The following INPP5A variants were observed in gnomAD, a reference collection of about 807,000 sequenced individuals.
The protein encoded by INPP5A is 43 kDa inositol polyphosphate 5-phophatase.
A neutral mutation model predicts 65.2 loss-of-function variants in INPP5A; 14 were observed. The ratio of observed to expected loss-of-function variants is 0.21; its 90% CI spans 0.14 to 0.34. The LOEUF is 0.34. INPP5A is among the 10% of genes least tolerant of loss of function. INPP5A has a pLI of 1.00. For missense variants in INPP5A, 431 were observed against 545.6 expected (o/e 0.79, Z 2.09); for synonymous variants, 207 against 208.3 (o/e 0.99, Z 0.05).
intron 6 of INPP5A, 144 bp from the exon 7 acceptor site, chr10:132,708,169 C>T: frequency 1.4e-6 from 1 of 700,090 alleles, no homozygotes; most frequent in Non-Finnish European, 2.5e-6. Flanking sequence ...GCTCGGTTCT[C>T]TTTAGTGGGG....
At chr10:132,552,775 G>A (rs1406658472) in intron 1 of INPP5A, among the ~76,000 whole-genome samples, 2 of 144,998 alleles carry the variant, frequency 1.4e-5, no homozygotes, top group Non-Finnish European at 3.0e-5. Context: ...AGCCTTGGGG[G>A]AATATTGGGT....
In INPP5A at chr10:132,594,156, A is replaced by G. The variant is rs375745132; in HGVS notation, c.76-13759A>G. Among the ~76,000 whole-genome samples the G allele has an allele frequency of 3.3e-5, 5 of 152,310 alleles. No individual in the cohort carries two copies. The East Asian group carries it at 9.6e-4, about 29-fold the overall frequency. ...CTGTCTTCATCCTGTTTATATGCCA[A>G]TGTTATGTTTGTCTCATAATAGGAA... On this transcript the variant is annotated intron_variant, in intron 1 of 15. Coordinates refer to ENST00000368594, the MANE Select transcript of INPP5A (RefSeq NM_005539.5).
intron 11 of INPP5A, among the ~76,000 whole-genome samples, chr10:132,758,715 G>T (rs1240686636): frequency 6.6e-6 from 1 of 152,224 alleles, no homozygotes; most frequent in East Asian, 1.9e-4. Flanking sequence ...TTATCTATGG[G>T]CAGGTGCTGA....
chr10:132,757,806 G>A (rs893841900), intron 11 of INPP5A, among the ~76,000 whole-genome samples: 2 of 133,154 alleles, frequency 1.5e-5, no homozygotes, highest in African/African-American at 5.3e-5. Flanking sequence ...CCATGGCGTG[G>A]GTGCCCGGCC....
Position 132,677,826 on chromosome 10 carries a change from C to T in INPP5A, c.307-12566C>T, listed in dbSNP as rs1255560798. Among the ~76,000 whole-genome samples, 4 of 152,222 alleles carry T rather than the reference C, an allele frequency of 2.6e-5. No homozygotes were observed. In the East Asian group the frequency reaches 7.7e-4, roughly 29 times the overall value. On this transcript the variant is annotated intron_variant, in intron 4 of 15. Coordinates refer to ENST00000368594, the MANE Select transcript of INPP5A (RefSeq NM_005539.5). ...TAATTGGGGACACTACATCCAAGAG[C>T]CGTGACAGGGTTCAGCAACCCGCGT...
In INPP5A at chr10:132,727,244, A is replaced by C. The variant is rs1846002720; in HGVS notation, c.732+339A>C. On this transcript the variant is annotated intron_variant, in intron 9 of 15. Transcript: ENST00000368594. The surrounding 1 kb of genome is among the most constrained non-coding windows in gnomAD (Gnocchi z 6.5). The stretch of plus-strand genomic sequence containing the variant: ...GCCCACAGAGCTGCAGCCTCTGCAG[A>C]GTGTCAGCTCCTTCACACTGTCCAA... 1.3e-5 allele frequency: 3 copies of C among 230,682 alleles called. No individual in the cohort carries two copies. 14.3% of individuals were successfully genotyped at this position (230,682 alleles called of 1,614,324 possible).
At chr10:132,712,769 GGT>G (rs774545357) in intron 8 of INPP5A, among the ~76,000 whole-genome samples, 1 of 149,844 alleles carries the variant, frequency 6.7e-6, no homozygotes, top group Non-Finnish European at 1.5e-5. Flanking sequence ...TGTGTATTTG[GGT>G]GTGTGCATGT....
At chr10:132,569,541 A>G (rs1279771851) in intron 1 of INPP5A, among the ~76,000 whole-genome samples, 2 of 152,146 alleles carry the variant, frequency 1.3e-5, no homozygotes, top group Non-Finnish European at 1.5e-5. Flanking sequence ...TATTTTTTGT[A>G]GAGACGGGGT....
chr10:132,580,418 G>T (rs948595852), intron 1 of INPP5A, among the ~76,000 whole-genome samples: 1 of 152,174 alleles, frequency 6.6e-6, no homozygotes, highest in Admixed American at 6.5e-5. Flanking sequence ...CTTCCGCCAT[G>T]ATTGTAAGTT....
Position 132,538,552 on chromosome 10 carries a change from AC to A in INPP5A, c.75+383del, listed in dbSNP as rs1295116331. Among the ~76,000 whole-genome samples the A allele has an allele frequency of 6.6e-6, 1 of 151,922 alleles. No individual in the cohort carries two copies. Among genetic ancestry groups the A allele is most frequent in the Non-Finnish European group, 1.5e-5 (1 of 67,976 alleles). ...AGTTCCTGGAACCCAAACCCCAGAA[AC>A]CGGGTCTGTGCGCACCAAACCCAGC... On this transcript the variant is annotated intron_variant, in intron 1 of 15. Transcript: ENST00000368594. The surrounding 1 kb of genome is among the most constrained non-coding windows in gnomAD (Gnocchi z 4.1).
rs1397098247 is a variant in INPP5A at position 132,678,894 on chromosome 10, A to G, written c.307-11498A>G. Among the ~76,000 whole-genome samples the G allele has an allele frequency of 1.3e-5, 2 of 152,126 alleles. No individual in the cohort carries two copies. The highest frequency in any genetic ancestry group is 4.8e-5 in the African/African-American group (2 of 41,424). Reference sequence around the variant, plus strand: ...GGGGGTCCATGTGAGAAGCTGGAAAAGGGGAGGCAGCAGAGGTACCCTCCT... The same window carrying G: ...GGGGGTCCATGTGAGAAGCTGGAAAGGGGGAGGCAGCAGAGGTACCCTCCT... On this transcript the variant is annotated intron_variant, in intron 4 of 15. Transcript: ENST00000368594. The surrounding 1 kb of genome is among the most constrained non-coding windows in gnomAD (Gnocchi z 4.1).
rs71472754 is a variant in INPP5A, at chr10:132,674,549, TGG to T, written c.307-15839_307-15838del. On this transcript the variant is annotated intron_variant, in intron 4 of 15. Transcript: ENST00000368594. The surrounding 1 kb of genome is among the most constrained non-coding windows in gnomAD (Gnocchi z 4.4). Reference sequence around the variant, plus strand: ...TTCCCATGAGGCCATCGGTGCAGGCTGGGGGAGAGAAGGGAGGGTGGCGGGAG... The same window carrying T: ...TTCCCATGAGGCCATCGGTGCAGGCTGGGAGAGAAGGGAGGGTGGCGGGAG... Among the ~76,000 whole-genome samples the T allele has an allele frequency of 6.6e-6, 1 of 152,070 alleles. No individual in the cohort carries two copies. The highest frequency in any genetic ancestry group is 2.4e-5 in the African/African-American group (1 of 41,404).
intron 12 of INPP5A, among the ~76,000 whole-genome samples, chr10:132,771,977 C>G (rs1591003302): frequency 4.4e-4 from 1 of 2,290 alleles, no homozygotes; most frequent in African/African-American, 2.9e-3. Flanking sequence ...GCAGCCACCC[C>G]ACGAGGAGTG....
At chr10:132,645,414 G>T (rs72868916) in intron 2 of INPP5A, among the ~76,000 whole-genome samples, 1 of 152,212 alleles carries the variant, frequency 6.6e-6, no homozygotes, top group Non-Finnish European at 1.5e-5. Context: ...ACATGCTCCG[G>T]CACACGCGTG....
At chr10:132,611,267 T>TC (rs1178461533) in intron 2 of INPP5A, among the ~76,000 whole-genome samples, 9 of 116,148 alleles carry the variant, frequency 7.7e-5, no homozygotes, top group South Asian at 3.0e-4. Flanking sequence ...AGAGGCCCTG[T>TC]CAGAGGAGGA....
chr10:132,565,567 G>T (rs1044657344), intron 1 of INPP5A, among the ~76,000 whole-genome samples: 1 of 152,176 alleles, frequency 6.6e-6, no homozygotes, highest in African/African-American at 2.4e-5. Context: ...GTATGTGTGC[G>T]TATGTCTGTA....
intron 8 of INPP5A, among the ~76,000 whole-genome samples, chr10:132,720,860 G>C (rs1195669225): frequency 6.6e-6 from 1 of 150,564 alleles, no homozygotes; most frequent in Non-Finnish European, 1.5e-5. Context: ...TTAGACGGCT[G>C]TCTTCAGGGA....
chr10:132,747,221 G>A (rs1326460840), intron 9 of INPP5A, among the ~76,000 whole-genome samples: 1 of 152,254 alleles, frequency 6.6e-6, no homozygotes, highest in Non-Finnish European at 1.5e-5. Context: ...ACCTCCTTGG[G>A]ACACAGGGGT....
intron 12 of INPP5A, among the ~76,000 whole-genome samples, chr10:132,775,188 G>GATGGGCAGGGAGGAGGGAGGGA (rs1847040258): frequency 5.7e-4 from 1 of 1,750 alleles, no homozygotes; most frequent in African/African-American, 2.3e-3. Flanking sequence ...CAGGGAGAGA[G>GATGGGCAGGGAGGAGGGAGGGA]GGAGGGGCAG....
Sources: gnomAD v4.1 joint callset for allele counts (sites outside exome capture counted in the v4.1 genomes callset) on GRCh38, gnomAD v4.1.1 for gene constraint, Gnocchi (gnomAD v3.1) non-coding constraint, MANE v1.5 for transcripts, NCBI Gene and HGNC (gene_info 2026-07-23, HGNC 2026-07-21) for gene names.